PRKN: variants seen among roughly 807,000 people sequenced by gnomAD.
PRKN encodes parkin RBR E3 ubiquitin protein ligase, also known as E3 ubiquitin-protein ligase parkin.
A neutral mutation model predicts 59.5 loss-of-function variants in PRKN; 56 were observed. The ratio of observed to expected loss-of-function variants is 0.94; its 90% confidence interval spans 0.76 to 1.18. The LOEUF (loss-of-function observed/expected upper bound fraction) is 1.18. PRKN is among the 50% of genes most tolerant of loss of function. The pLI, the probability that PRKN is intolerant of heterozygous loss-of-function variation, is 0.00. For missense variants in PRKN, 657 were observed against 596.4 expected (o/e 1.10, Z -1.06); for synonymous variants, 250 against 222.1 (o/e 1.13, Z -1.12).
intron 2 of PRKN, among the ~76,000 whole-genome samples, chr6:162,384,841 A>C (rs1282217923): frequency 1.3e-5 from 2 of 152,074 alleles, no homozygotes; most frequent in East Asian, 1.9e-4. Context: ...AGAGAGGAGA[A>C]ATGATTTGTT....
chr6:161,917,565 G>GT (rs1485983787), intron 6 of PRKN, among the ~76,000 whole-genome samples: 4 of 152,060 alleles, frequency 2.6e-5, no homozygotes, highest in Non-Finnish European at 4.4e-5. Flanking sequence ...AATTCTTAAG[G>GT]TTAACACAGC....
intron 9 of PRKN, among the ~76,000 whole-genome samples, chr6:161,469,624 G>T (rs541952004): frequency 6.6e-6 from 1 of 152,020 alleles, no homozygotes; most frequent in South Asian, 2.1e-4. Context: ...AGGTTACTTT[G>T]CTGGTTTTGA....
chr6:162,305,645 G>T (rs1457800947), intron 2 of PRKN, among the ~76,000 whole-genome samples: 1 of 152,084 alleles, frequency 6.6e-6, no homozygotes, highest in Non-Finnish European at 1.5e-5. Flanking sequence ...TTGGTTTTTA[G>T]TTTCCTAATT....
At chr6:162,484,409 A>G (rs963076923) in intron 1 of PRKN, among the ~76,000 whole-genome samples, 1 of 152,202 alleles carries the variant, frequency 6.6e-6, no homozygotes, top group East Asian at 1.9e-4. Flanking sequence ...GATGCAGCCA[A>G]CAGGAGTTGA....
intron 6 of PRKN, among the ~76,000 whole-genome samples, chr6:161,948,691 A>T (rs1010545856): frequency 6.6e-6 from 1 of 152,178 alleles, no homozygotes; most frequent in Non-Finnish European, 1.5e-5. Flanking sequence ...GAGACATGCG[A>T]AGGCCTTGAG....
intron 7 of PRKN, among the ~76,000 whole-genome samples, chr6:161,608,818 G>T (rs1317163907): frequency 6.6e-6 from 1 of 151,984 alleles, no homozygotes; most frequent in East Asian, 1.9e-4. Context: ...AGGATTACAG[G>T]CATGAGCCAC....
chr6:162,186,224 A>G (rs1350344350), intron 4 of PRKN, among the ~76,000 whole-genome samples: 7 of 152,206 alleles, frequency 4.6e-5, no homozygotes, highest in Admixed American at 3.9e-4. Context: ...AAAGCCAGAT[A>G]CAAGAGATAC....
intron 4 of PRKN, among the ~76,000 whole-genome samples, chr6:162,195,170 C>G (rs182251417): frequency 6.6e-6 from 1 of 152,194 alleles, no homozygotes; most frequent in Non-Finnish European, 1.5e-5. Context: ...CTCTCACTGT[C>G]GGGACATCCA....
At chr6:162,517,109 C>T (rs1356857735) in intron 1 of PRKN, among the ~76,000 whole-genome samples, 1 of 150,836 alleles carries the variant, frequency 6.6e-6, no homozygotes. Context: ...TCCTGGCTTA[C>T]ATCAACAGTT....
At chr6:162,235,110 C>T (rs1778593173) in intron 3 of PRKN, among the ~76,000 whole-genome samples, 2 of 152,066 alleles carry the variant, frequency 1.3e-5, no homozygotes, top group South Asian at 4.1e-4. Context: ...GAATGAGAGG[C>T]TTAAGGGATA....
At chr6:162,266,800 C>G (rs942268283) in intron 2 of PRKN, among the ~76,000 whole-genome samples, 1 of 152,096 alleles carries the variant, frequency 6.6e-6, no homozygotes, top group African/African-American at 2.4e-5. Context: ...GTATTGTTAC[C>G]ATTTATGAGT....
chr6:162,234,233 T>C (rs990665131), intron 3 of PRKN, among the ~76,000 whole-genome samples: 2 of 152,150 alleles, frequency 1.3e-5, no homozygotes, highest in Non-Finnish European at 2.9e-5. Flanking sequence ...CCTGGCATCA[T>C]GTCAAGGCTG....
intron 1 of PRKN, among the ~76,000 whole-genome samples, chr6:162,599,844 T>C (rs184693826): frequency 6.6e-6 from 1 of 152,202 alleles, no homozygotes; most frequent in Admixed American, 6.5e-5. Context: ...CTAGAATATT[T>C]ACAAAGCATA....
At chr6:161,912,144 C>A (rs1333294049) in intron 6 of PRKN, among the ~76,000 whole-genome samples, 1 of 150,336 alleles carries the variant, frequency 6.7e-6, no homozygotes, top group African/African-American at 2.5e-5. Context: ...CACCACTGCA[C>A]TCCAGCCTGG....
intron 2 of PRKN, among the ~76,000 whole-genome samples, chr6:162,266,294 T>C (rs1780128075): frequency 1.4e-5 from 2 of 139,028 alleles, no homozygotes; most frequent in Non-Finnish European, 3.0e-5. Flanking sequence ...TATATACATA[T>C]ATATTGTGTG....
At chr6:162,094,257 AGGTGGGAGGACT>A (rs1779634556) in intron 4 of PRKN, among the ~76,000 whole-genome samples, 1 of 152,068 alleles carries the variant, frequency 6.6e-6, no homozygotes, top group South Asian at 2.1e-4. Flanking sequence ...TGGGAGCCTG[AGGTGGGAGGACT>A]GCATGAGCCC....
chr6:161,790,868 T>G (rs1790610003), intron 6 of PRKN, among the ~76,000 whole-genome samples: 1 of 152,144 alleles, frequency 6.6e-6, no homozygotes, highest in Admixed American at 6.5e-5. Context: ...AAGCTGGAAG[T>G]AGTGAGAACT....
At chr6:162,335,703 C>T (rs975920828) in intron 2 of PRKN, among the ~76,000 whole-genome samples, 1 of 152,018 alleles carries the variant, frequency 6.6e-6, no homozygotes, top group South Asian at 2.1e-4. Flanking sequence ...CTTATTTCTC[C>T]TATTTTATCG....
intron 4 of PRKN, among the ~76,000 whole-genome samples, chr6:162,180,039 G>A (rs1783730961): frequency 6.9e-6 from 1 of 145,576 alleles, no homozygotes; most frequent in African/African-American, 2.5e-5. Context: ...TCCTAGAAAT[G>A]TATGCTGCAT....
Sources: gnomAD v4.1 joint callset for allele counts (sites outside exome capture counted in the v4.1 genomes callset) on GRCh38, gnomAD v4.1.1 for gene constraint, MANE v1.5 for transcripts, NCBI Gene and HGNC (gene_info 2026-07-23, HGNC 2026-07-21) for gene names.